The following CCDC38 variants were observed in gnomAD, a reference collection of about 807,000 sequenced individuals.
CCDC38 encodes coiled-coil domain containing 38, also known as coiled-coil domain-containing protein 38.
CCDC38 carries 69 observed loss-of-function variants against 72.8 expected under a neutral mutation model. The ratio of observed to expected loss-of-function variants is 0.95; its 90% CI spans 0.78 to 1.16. The LOEUF (loss-of-function observed/expected upper bound fraction) is 1.16, where lower values mean the gene tolerates loss of function less well. CCDC38 is among the 50% of genes most tolerant of loss of function. CCDC38 has a pLI of 0.00. For missense variants in CCDC38, 626 were observed against 638.9 expected (o/e 0.98, Z 0.22); for synonymous variants, 201 against 213.2 (o/e 0.94, Z 0.50).
chr12:95,926,633 T>C (rs2080274198), intron 2 of CCDC38, among the ~76,000 whole-genome samples: 1 of 151,988 alleles, frequency 6.6e-6, no homozygotes, highest in African/African-American at 2.4e-5. Flanking sequence ...ATTGTGATGT[T>C]AGGGTGTCAA....
rs2080152509 is a variant in CCDC38, at chr12:95,917,128, CCTT to C, written c.302_304del (p.Glu101del). The C allele has an allele frequency of 1.9e-6, 3 of 1,572,462 alleles. No homozygotes were observed. Among genetic ancestry groups the C allele is most frequent in the Non-Finnish European group, 2.6e-6 (3 of 1,169,276 alleles). ...GTTCTTAAAGAGTAATTTAGACTCA[CCTT>C]CTATTAATCTAGGAATCGGAGCAGG... On this transcript the variant is annotated inframe_deletion and splice_region_variant, in exon 4 of 16. Transcript: ENST00000344280.
At chr12:95,921,414 T>C (rs1004000953) in intron 2 of CCDC38, among the ~76,000 whole-genome samples, 4 of 152,172 alleles carry the variant, frequency 2.6e-5, no homozygotes, top group African/African-American at 7.2e-5. Flanking sequence ...CAGTTCTGCA[T>C]AGCTGGGAAG....
At chr12:95,928,656 C>T (rs2080300266) in intron 2 of CCDC38, among the ~76,000 whole-genome samples, 2 of 152,270 alleles carry the variant, frequency 1.3e-5, no homozygotes, top group Admixed American at 1.3e-4. Flanking sequence ...TGTTTTTTCC[C>T]CATCTTTGTG....
At chr12:95,890,014 C>A (rs1430208809) in intron 9 of CCDC38, among the ~76,000 whole-genome samples, 2 of 152,038 alleles carry the variant, frequency 1.3e-5, no homozygotes, top group Non-Finnish European at 2.9e-5. Context: ...TGGGCTCAAG[C>A]GATCCTCCTA....
Position 95,867,179 on chromosome 12 carries a change from C to T in CCDC38, c.1589G>A (p.Arg530Gln), listed in dbSNP as rs374637994. The T allele has an allele frequency of 3.4e-5, 54 of 1,571,444 alleles. No individual in the cohort carries two copies. In the African/African-American group the frequency reaches 6.6e-4, roughly 19 times the overall value. Residue 530 changes from arginine to glutamine, a missense_variant, in exon 16 of 16, where the codon CGA becomes CAA. Transcript: ENST00000344280. The stretch of plus-strand genomic sequence containing the variant: ...TGGAGGTTTTGAATGAAAGACAAGT[C>T]GTCTTCCCAACTGAAACAAAAGAAA... ...VAQPKKKLGR[R>Q]LVFHSKPPSG...
chr12:95,888,522 A>G lies in CCDC38; in HGVS notation c.872-16T>C. The G allele has an allele frequency of 1.2e-6, 2 of 1,613,692 alleles. No homozygotes were observed. Among genetic ancestry groups the G allele is most frequent in the African/African-American group, 2.7e-5 (2 of 75,010 alleles). On this transcript the variant is annotated splice_polypyrimidine_tract_variant and intron_variant, in intron 9 of 15. Coordinates refer to ENST00000344280, the MANE Select transcript of CCDC38 (RefSeq NM_182496.3). ...CTTGGCTTTCCTGTTCAAAATGTCC[A>G]GGTGAGGCCATGCCGTTGGTGATGG...
At chr12:95,870,980 T>G (rs2079575127) in intron 14 of CCDC38, among the ~76,000 whole-genome samples, 1 of 152,186 alleles carries the variant, frequency 6.6e-6, no homozygotes. Flanking sequence ...CCGACTAGAG[T>G]GCTTATGTTG....
intron 8 of CCDC38, among the ~76,000 whole-genome samples, chr12:95,891,823 T>G (rs1211231738): frequency 6.6e-6 from 1 of 152,168 alleles, no homozygotes; most frequent in African/African-American, 2.4e-5. Context: ...CCTAGGGAAC[T>G]CAGCAGGGAA....
chr12:95,888,045 G>A (rs1353413764), intron 10 of CCDC38, among the ~76,000 whole-genome samples: 1 of 152,200 alleles, frequency 6.6e-6, no homozygotes. Flanking sequence ...GAGAACGAGT[G>A]ACTTCTGAAA....
At chr12:95,909,476 A>T (rs1369531835) in intron 4 of CCDC38, among the ~76,000 whole-genome samples, 4 of 152,216 alleles carry the variant, frequency 2.6e-5, no homozygotes, top group African/African-American at 9.6e-5. Context: ...AGAGGTACAA[A>T]GAAAGGCTAG....
Position 95,879,792 on chromosome 12 carries a change from G to A in CCDC38, c.994C>T (p.Pro332Ser). Residue 332 changes from proline (P) to serine (S), a missense_variant, in exon 12 of 16, where the codon CCA becomes TCA. Pro to Ser is a moderately conservative substitution (Grantham distance 74). Transcript: ENST00000344280. This position sits in a 1 kb window ranked among gnomAD's most constrained non-coding sequence, Gnocchi z 5.5. ...LDDEMDVDLE[P>S]ALYFKEPEEL... ...TCTGGTTCCTTGAAATAAAGTGCTG[G>A]CTCCTAATTAATCAATAATGAAGAA... 1.3e-6 allele frequency: 2 copies of A among 1,592,224 alleles called. No individual in the cohort carries two copies. The highest frequency in any genetic ancestry group is 1.7e-6 in the Non-Finnish European group (2 of 1,170,982).
chr12:95,888,349 C>A, intron 10 of CCDC38, 109 bp downstream of exon 10: 1 of 966,188 alleles, frequency 1.0e-6, no homozygotes. Flanking sequence ...TCCAGGATCT[C>A]TTACAACAGT....
chr12:95,907,957 C>G (rs888000812), intron 4 of CCDC38, among the ~76,000 whole-genome samples: 10 of 148,306 alleles, frequency 6.7e-5, no homozygotes, highest in African/African-American at 2.0e-4. Flanking sequence ...ACTTTCCAGA[C>G]TGGGCAGCCA....
At chr12:95,874,944 A>G (rs568888040) in intron 13 of CCDC38, among the ~76,000 whole-genome samples, 59 of 152,302 alleles carry the variant, frequency 3.9e-4, no homozygotes, top group African/African-American at 1.4e-3. Flanking sequence ...AGTTCTCTCA[A>G]TTGCAGCTGA....
chr12:95,905,432 T>C (rs1039241012), intron 5 of CCDC38, among the ~76,000 whole-genome samples: 4 of 152,224 alleles, frequency 2.6e-5, no homozygotes, highest in African/African-American at 9.6e-5. Context: ...AGTAGGACTT[T>C]ATAATAAAGA....
At chr12:95,921,050 C>A (rs1352462686) in intron 2 of CCDC38, among the ~76,000 whole-genome samples, 2 of 151,406 alleles carry the variant, frequency 1.3e-5, no homozygotes, top group Non-Finnish European at 2.9e-5. Context: ...ATCACTTGAA[C>A]ATGGGAGGCA....
chr12:95,908,167 G>A lies in CCDC38; in HGVS notation c.305-1716C>T, dbSNP rs545566229. 4.1e-4 allele frequency among the ~76,000 whole-genome samples: 63 copies of A among 151,906 alleles called. 1 individual carries two copies. The East Asian group carries it at 0.01, about 25-fold the overall frequency. ...ATCACGCCACTGCACTCCAGCCTGG[G>A]CACCATTGAGCACTGAGTGAAGGAG... On this transcript the variant is annotated intron_variant, in intron 4 of 15. Coordinates refer to ENST00000344280, the MANE Select transcript of CCDC38 (RefSeq NM_182496.3).
At chr12:95,925,746 C>A (rs145562602) in intron 2 of CCDC38, among the ~76,000 whole-genome samples, 1,978 of 151,876 alleles carry the variant, frequency 0.013, 40 homozygotes, top group African/African-American at 0.043. Flanking sequence ...AGTTTTTAGC[C>A]TGAAGGGTTG....
At chr12:95,873,758 G>A (rs1388076777) in intron 13 of CCDC38, among the ~76,000 whole-genome samples, 1 of 152,150 alleles carries the variant, frequency 6.6e-6, no homozygotes, top group African/African-American at 2.4e-5. Flanking sequence ...CTGGAGCCAT[G>A]GGAAGCCCCT....
Sources: gnomAD v4.1 joint callset for allele counts (sites outside exome capture counted in the v4.1 genomes callset) on GRCh38, gnomAD v4.1.1 for gene constraint, Gnocchi (gnomAD v3.1) non-coding constraint, MANE v1.5 for transcripts, NCBI Gene and HGNC (gene_info 2026-07-23, HGNC 2026-07-21) for gene names.